CCDC149: variants seen among roughly 807,000 people sequenced by gnomAD.
The protein encoded by CCDC149 is coiled-coil domain-containing protein 149.
A neutral mutation model predicts 59.9 loss-of-function variants in CCDC149; 45 were observed. That is an observed-to-expected ratio of 0.75 (90% CI 0.59 to 0.96). CCDC149 has a LOEUF of 0.96. Among genes scored for constraint, CCDC149 ranks in the 40% least tolerant of loss-of-function variants. The pLI, the probability that CCDC149 is intolerant of heterozygous loss-of-function variation, is 0.00. For missense variants in CCDC149, 584 were observed against 664.7 expected (o/e 0.88, Z 1.33); for synonymous variants, 245 against 260.6 (o/e 0.94, Z 0.58).
At chr4:24,931,815 T>A (rs949505518) in intron 1 of CCDC149, among the ~76,000 whole-genome samples, 38 of 24,418 alleles carry the variant, frequency 1.6e-3, no homozygotes, top group Non-Finnish European at 2.5e-3. Flanking sequence ...TCCCTTATAT[T>A]GTATGGAGAG....
At chr4:24,932,165 A>G (rs946271401) in intron 1 of CCDC149, among the ~76,000 whole-genome samples, 7 of 152,194 alleles carry the variant, frequency 4.6e-5, no homozygotes, top group Non-Finnish European at 8.8e-5. Context: ...ACTAAAATAT[A>G]AAATTGATTT....
At chr4:24,866,278 G>A (rs997070019) in intron 3 of CCDC149, among the ~76,000 whole-genome samples, 1 of 152,116 alleles carries the variant, frequency 6.6e-6, no homozygotes, top group African/African-American at 2.4e-5. Flanking sequence ...TGGACCATGA[G>A]AGATACCTTT....
Position 24,819,889 on chromosome 4 carries a change from G to A in CCDC149, c.1162C>T (p.Pro388Ser). 4 of 1,551,672 alleles carry A rather than the reference G, an allele frequency of 2.6e-6. No homozygotes were observed. The highest frequency in any genetic ancestry group is 1.2e-5 in the South Asian group (1 of 84,054). The change falls in exon 12 of 13, where the codon CCC becomes TCC. Residue 388 changes from proline (P) to serine (S), a missense_variant. Transcript: ENST00000635206. ...TTGGGATCTGCTTTGTTCTCAGTGG[G>A]CTGCTCGACAAACTTCAGCAGTGGG...
intron 1 of CCDC149, among the ~76,000 whole-genome samples, chr4:24,958,560 T>A (rs536373533): frequency 6.6e-6 from 1 of 152,220 alleles, no homozygotes; most frequent in African/African-American, 2.4e-5. Context: ...AAAGTCATTA[T>A]AATCATTTTC....
chr4:24,891,197 C>A (rs541880092), intron 1 of CCDC149, among the ~76,000 whole-genome samples: 155 of 151,922 alleles, frequency 1.0e-3, no homozygotes, highest in Non-Finnish European at 1.9e-3. Flanking sequence ...AGAACTCAGC[C>A]CCCCCAGCAA....
At chr4:24,956,462 G>C (rs956393042) in intron 1 of CCDC149, among the ~76,000 whole-genome samples, 2 of 151,892 alleles carry the variant, frequency 1.3e-5, no homozygotes, top group Non-Finnish European at 2.9e-5. Flanking sequence ...AGGTAATTTC[G>C]GGCTATTAAT....
rs1716639870 is a variant in CCDC149, at chr4:24,837,811, T to C, written c.489+345A>G. On this transcript the variant is annotated intron_variant, in intron 5 of 12. Coordinates refer to ENST00000635206, the MANE Select transcript of CCDC149 (RefSeq NM_001330643.2). This position sits in a 1 kb window ranked among gnomAD's most constrained non-coding sequence, Gnocchi z 4.3. Reference sequence around the variant, plus strand: ...TTACCTAACTAGGGCTCTGCACTTGTTGAGATTTTGCCTAAGAGGCACTGC... The same window carrying C: ...TTACCTAACTAGGGCTCTGCACTTGCTGAGATTTTGCCTAAGAGGCACTGC... Among the ~76,000 whole-genome samples, 2 of 152,256 alleles carry C rather than the reference T, an allele frequency of 1.3e-5. No homozygotes were observed. The highest frequency in any genetic ancestry group is 4.1e-4 in the South Asian group (2 of 4,832).
chr4:24,882,044 C>A (rs991746582), intron 1 of CCDC149, among the ~76,000 whole-genome samples: 2 of 152,068 alleles, frequency 1.3e-5, no homozygotes, highest in Non-Finnish European at 2.9e-5. Context: ...AGTTGGTATT[C>A]CTAGTACAAG....
chr4:24,884,063 CATTT>C (rs1304616751), intron 1 of CCDC149, among the ~76,000 whole-genome samples: 1 of 152,192 alleles, frequency 6.6e-6, no homozygotes, highest in East Asian at 1.9e-4. Flanking sequence ...CATTGTAACT[CATTT>C]CCAGGTCCTG....
At chr4:24,858,037 A>G (rs800476) in intron 3 of CCDC149, among the ~76,000 whole-genome samples, 118,743 of 151,926 alleles carry the variant, frequency 0.78, 46,432 homozygotes, top group East Asian at 0.91. Context: ...GCAAAAAAAA[A>G]AGAAAGTAGT....
chr4:24,837,538 C>CCA lies in CCDC149; in HGVS notation c.490-140_490-139dup. 4 of 696,628 alleles carry CCA rather than the reference C, an allele frequency of 5.7e-6. No individual in the cohort carries two copies. The highest frequency in any genetic ancestry group is 9.6e-6 in the Non-Finnish European group (4 of 418,608). The allele number at this position is 696,628 out of a possible 1,614,324, so 43.2% of individuals were successfully genotyped here. A position where few individuals can be genotyped will look rare whatever the true frequency, so the allele number is the denominator to read the frequency against. Reference sequence around the variant, plus strand: ...CCCGCATGCCCTAAAGCCATAAGCGCCACACACTGAAATACAATAACAGCT... The same window carrying CCA: ...CCCGCATGCCCTAAAGCCATAAGCGCCACACACACTGAAATACAATAACAGCT... On this transcript the variant is annotated intron_variant, in intron 5 of 12. Coordinates refer to ENST00000635206, the MANE Select transcript of CCDC149 (RefSeq NM_001330643.2). This position sits in a 1 kb window ranked among gnomAD's most constrained non-coding sequence, Gnocchi z 4.3.
chr4:24,948,165 C>T (rs940025601), intron 1 of CCDC149, among the ~76,000 whole-genome samples: 2 of 152,108 alleles, frequency 1.3e-5, no homozygotes, highest in African/African-American at 4.8e-5. Context: ...AAATAGCTGT[C>T]CTTAGAGAAG....
At chr4:24,907,847 G>A (rs114429962) in intron 1 of CCDC149, among the ~76,000 whole-genome samples, 1,591 of 152,250 alleles carry the variant, frequency 0.01, 15 homozygotes, top group Non-Finnish European at 0.014. Context: ...GGCTCTCAGG[G>A]AGGATTCTTC....
intron 3 of CCDC149, among the ~76,000 whole-genome samples, chr4:24,869,346 T>C (rs1286724587): frequency 1.3e-5 from 2 of 152,168 alleles, no homozygotes; most frequent in African/African-American, 4.8e-5. Flanking sequence ...GAAAAGGAGA[T>C]GAGAGCTGAG....
intron 1 of CCDC149, among the ~76,000 whole-genome samples, chr4:24,950,831 T>C (rs1723265766): frequency 6.6e-6 from 1 of 152,214 alleles, no homozygotes; most frequent in African/African-American, 2.4e-5. Flanking sequence ...GGGGCCTGTG[T>C]AGCCACCATT....
chr4:24,871,845 C>T (rs1344275292), intron 3 of CCDC149, among the ~76,000 whole-genome samples: 1 of 152,206 alleles, frequency 6.6e-6, no homozygotes, highest in Non-Finnish European at 1.5e-5. Flanking sequence ...TCATCAGATT[C>T]TCCTTAGTCA....
At chr4:24,973,930 C>T (rs998836463) in intron 1 of CCDC149, among the ~76,000 whole-genome samples, 2 of 152,130 alleles carry the variant, frequency 1.3e-5, no homozygotes, top group Non-Finnish European at 2.9e-5. Context: ...CCCTTGCAGT[C>T]CCCGAGCCCG....
intron 1 of CCDC149, among the ~76,000 whole-genome samples, chr4:24,897,755 A>C (rs1170857131): frequency 1.3e-5 from 2 of 152,192 alleles, no homozygotes; most frequent in African/African-American, 4.8e-5. Flanking sequence ...GGATTTGGGC[A>C]TGAGTTCGGA....
chr4:24,914,980 T>A (rs911059280), upstream of CCDC149, among the ~76,000 whole-genome samples: 1 of 152,196 alleles, frequency 6.6e-6, no homozygotes, highest in East Asian at 1.9e-4. Flanking sequence ...TTCAATAACA[T>A]TGCACACCAT....
Sources: allele counts gnomAD v4.1 joint callset (sites outside exome capture counted in the v4.1 genomes callset), GRCh38; gene constraint gnomAD v4.1.1; non-coding constraint Gnocchi (gnomAD v3.1); transcripts MANE v1.5; gene names NCBI Gene and HGNC (gene_info 2026-07-23, HGNC 2026-07-21).